CEP44: variants seen among roughly 807,000 people sequenced by gnomAD.
CEP44 encodes centrosomal protein 44.
In CEP44, 45 loss-of-function variants were observed where a neutral mutation model predicts 46.7. That is an observed-to-expected ratio of 0.96 (90% CI 0.76 to 1.24). The LOEUF is 1.24. Ranked by LOEUF, CEP44 falls within the 50% of genes most tolerant of loss-of-function variation. The pLI is 0.00. For missense variants in CEP44, 475 were observed against 459.7 expected (o/e 1.03, Z -0.30); for synonymous variants, 142 against 146.0 (o/e 0.97, Z 0.20).
intron 6 of CEP44, among the ~76,000 whole-genome samples, chr4:174,308,279 T>C (rs1740669736): frequency 1.3e-5 from 2 of 152,200 alleles, no homozygotes. Context: ...ATACACACTA[T>C]GGAATACTCT....
rs1336251503 is a variant in CEP44 at position 174,326,584 on chromosome 4, C to T, written c.1087-4898C>T. 6.6e-6 allele frequency among the ~76,000 whole-genome samples: 1 copy of T among 151,974 alleles called. No homozygotes were observed. Among genetic ancestry groups the T allele is most frequent in the Admixed American group, 6.6e-5 (1 of 15,244 alleles). Reference sequence around the variant, plus strand: ...TCTTTTATATGTGCCAACCTATTTACCATTTCCAGTGCTATTTATTCTTTC... The same window carrying T: ...TCTTTTATATGTGCCAACCTATTTATCATTTCCAGTGCTATTTATTCTTTC... On this transcript the variant is annotated intron_variant, in intron 8 of 8. Coordinates refer to the CEP44 transcript ENST00000426172. The surrounding 1 kb of genome is among the most constrained non-coding windows in gnomAD (Gnocchi z 4.8).
At position 174,314,475 on chromosome 4, in the gene CEP44, C is replaced by T. The variant is rs1409053708; in HGVS notation, c.962-1691C>T. On this transcript the variant is annotated intron_variant, in intron 9 of 11. Coordinates refer to ENST00000503780, the MANE Select transcript of CEP44 (RefSeq NM_001040157.3). The surrounding 1 kb of genome is among the most constrained non-coding windows in gnomAD (Gnocchi z 4.1). ...CCTCTGGAATCCTCTGTAGGAATAA[C>T]TATGAATAGCCTGCCAGCCTGCCAA... is the stretch of plus-strand genomic sequence containing the variant. Among the ~76,000 whole-genome samples the T allele has an allele frequency of 6.6e-6, 1 of 152,206 alleles. No homozygotes were observed. The highest frequency in any genetic ancestry group is 1.5e-5 in the Non-Finnish European group (1 of 68,034).
At position 174,290,097 on chromosome 4, in the gene CEP44, G is replaced by A. The variant is rs1002925842; in HGVS notation, c.-148+6154G>A. Among the ~76,000 whole-genome samples, 1 of 151,932 alleles carries A rather than the reference G, an allele frequency of 6.6e-6. No individual in the cohort carries two copies. Among genetic ancestry groups the A allele is most frequent in the Admixed American group, 6.6e-5 (1 of 15,252 alleles). ...TCTCAATCTCTTGACCTAGTGACCCGCCTGCCTCAGCCCCCAAAAGTGCTA... is the reference window on the plus strand; with the variant it reads ...TCTCAATCTCTTGACCTAGTGACCCACCTGCCTCAGCCCCCAAAAGTGCTA... On this transcript the variant is annotated intron_variant, in intron 1 of 11. Coordinates refer to ENST00000503780, the MANE Select transcript of CEP44 (RefSeq NM_001040157.3). This position sits in a 1 kb window ranked among gnomAD's most constrained non-coding sequence, Gnocchi z 4.3.
Position 174,329,612 on chromosome 4 carries a change from A to G in CEP44, c.1087-1870A>G, listed in dbSNP as rs1203247811. On this transcript the variant is annotated intron_variant, in intron 8 of 8. Coordinates refer to the CEP44 transcript ENST00000426172. This position sits in a 1 kb window ranked among gnomAD's most constrained non-coding sequence, Gnocchi z 4.0. The stretch of plus-strand genomic sequence containing the variant: ...AGAATGTACTTTACTCATGGGAACT[A>G]AAAATGTTATGCTTTGAGAAACCAA... Among the ~76,000 whole-genome samples the G allele has an allele frequency of 6.6e-6, 1 of 152,210 alleles. No individual in the cohort carries two copies. Among genetic ancestry groups the G allele is most frequent in the Non-Finnish European group, 1.5e-5 (1 of 68,028 alleles).
chr4:174,331,713 C>T lies in CEP44; in HGVS notation c.*118C>T, dbSNP rs1423389521. ...ACCAGCTTCCTCCTCAGCTCCAGCTCTTTTAATGGGCATATCAAAACTGAT... is the reference window on the plus strand; with the variant it reads ...ACCAGCTTCCTCCTCAGCTCCAGCTTTTTTAATGGGCATATCAAAACTGAT... On this transcript the variant is annotated 3_prime_UTR_variant, in exon 9 of 9. Coordinates refer to the CEP44 transcript ENST00000426172. This position sits in a 1 kb window ranked among gnomAD's most constrained non-coding sequence, Gnocchi z 4.5. 1.6e-5 allele frequency: 21 copies of T among 1,330,800 alleles called. No individual in the cohort carries two copies. The Admixed American group carries it at 5.4e-4, about 34-fold the overall frequency. The allele number at this position is 1,330,800 out of a possible 1,614,324, so 82.4% of individuals were successfully genotyped here. A position where few individuals can be genotyped will look rare whatever the true frequency, so the allele number is the denominator to read the frequency against.
At position 174,307,690 on chromosome 4, in the gene CEP44, A is replaced by G. The variant is rs1740585292; in HGVS notation, c.508-999A>G. Among the ~76,000 whole-genome samples, 3 of 152,330 alleles carry G rather than the reference A, an allele frequency of 2.0e-5. No homozygotes were observed. The South Asian group carries it at 6.2e-4, about 32-fold the overall frequency. On this transcript the variant is annotated intron_variant, in intron 6 of 11. Transcript: ENST00000503780. ...GTAAACAGACACCCTCCGGAGTGGG[A>G]GAAAATTTTTGCAAACTTGTATCTG...
At chr4:174,308,424 G>T (rs568379392) in intron 6 of CEP44, among the ~76,000 whole-genome samples, 1 of 152,194 alleles carries the variant, frequency 6.6e-6, no homozygotes, top group African/African-American at 2.4e-5. Flanking sequence ...GGAGCTAAAT[G>T]ATGAGATCAC....
chr4:174,315,116 A>G (rs1240290630), intron 9 of CEP44, among the ~76,000 whole-genome samples: 2 of 152,146 alleles, frequency 1.3e-5, no homozygotes, highest in Non-Finnish European at 2.9e-5. Context: ...AGAGATAAAA[A>G]TTAGTCTTCT....
At position 174,301,328 on chromosome 4, in the gene CEP44, A is replaced by G. The variant is rs942897513; in HGVS notation, c.90-711A>G. Reference sequence around the variant, plus strand: ...AGACAGGAAACACTACCAGACAGATAAAGACACAGCAGATACTGAGTAGCC... The same window carrying G: ...AGACAGGAAACACTACCAGACAGATGAAGACACAGCAGATACTGAGTAGCC... On this transcript the variant is annotated intron_variant, in intron 3 of 11. Transcript: ENST00000503780. The surrounding 1 kb of genome is among the most constrained non-coding windows in gnomAD (Gnocchi z 4.3). Among the ~76,000 whole-genome samples, 2 of 152,188 alleles carry G rather than the reference A, an allele frequency of 1.3e-5. No homozygotes were observed. Among genetic ancestry groups the G allele is most frequent in the Non-Finnish European group, 2.9e-5 (2 of 68,006 alleles).
Position 174,310,666 on chromosome 4 carries a change from T to C in CEP44, c.886-117T>C. ...TATATGTATTGCTTTAATAAAAAAT[T>C]AAAAATATTTAAACATTTATCATGC... On this transcript the variant is annotated intron_variant, in intron 8 of 11. Coordinates refer to ENST00000503780, the MANE Select transcript of CEP44 (RefSeq NM_001040157.3). The surrounding 1 kb of genome is among the most constrained non-coding windows in gnomAD (Gnocchi z 4.2). The C allele has an allele frequency of 1.7e-6, 1 of 591,270 alleles. No homozygotes were observed. Among genetic ancestry groups the C allele is most frequent in the Non-Finnish European group, 2.9e-6 (1 of 342,404 alleles). 36.6% of individuals were successfully genotyped at this position (591,270 alleles called of 1,614,324 possible).
chr4:174,294,681 C>T (rs1186478113), intron 1 of CEP44, among the ~76,000 whole-genome samples: 3 of 150,026 alleles, frequency 2.0e-5, no homozygotes, highest in South Asian at 2.1e-4. Context: ...GGCTGACCCC[C>T]CTACCTCCCT....
At chr4:174,308,494 G>A (rs1003565495) in intron 6 of CEP44, among the ~76,000 whole-genome samples, 195 bp from the exon 7 acceptor site, 1 of 152,100 alleles carries the variant, frequency 6.6e-6, no homozygotes, top group African/African-American at 2.4e-5. Context: ...AGGGTAGGAG[G>A]AGGTTCAGGA....
At position 174,288,560 on chromosome 4, in the gene CEP44, A is replaced by T. The variant is rs1221889723; in HGVS notation, c.-148+4617A>T. 1.3e-5 allele frequency among the ~76,000 whole-genome samples: 2 copies of T among 152,154 alleles called. No homozygotes were observed. The highest frequency in any genetic ancestry group is 6.5e-5 in the Admixed American group (1 of 15,274). On this transcript the variant is annotated intron_variant, in intron 1 of 11. Coordinates refer to ENST00000503780, the MANE Select transcript of CEP44 (RefSeq NM_001040157.3). The surrounding 1 kb of genome is among the most constrained non-coding windows in gnomAD (Gnocchi z 4.6). ...TTGTGTTTAGCTTATTTCACTTAGC[A>T]TAATGTCCTTCAGGTTCATCCATGT...
rs1740818624 is a variant in CEP44, at chr4:174,309,393, A to G, written c.679-457A>G. Among the ~76,000 whole-genome samples the G allele has an allele frequency of 6.6e-6, 1 of 152,024 alleles. No homozygotes were observed. Among genetic ancestry groups the G allele is most frequent in the Admixed American group, 6.6e-5 (1 of 15,246 alleles). On this transcript the variant is annotated intron_variant, in intron 7 of 11. Transcript: ENST00000503780. This position sits in a 1 kb window ranked among gnomAD's most constrained non-coding sequence, Gnocchi z 5.3. ...GATTTCTATATATCTCAGTATATCA[A>G]TATACAGTTGGCACTTACAAAAACT...
chr4:174,322,307 C>G (rs567592190), downstream of CEP44, among the ~76,000 whole-genome samples: 1 of 151,974 alleles, frequency 6.6e-6, no homozygotes, highest in Non-Finnish European at 1.5e-5. Context: ...CTGGGCTTTC[C>G]ATGACTTTAC....
At chr4:174,308,367 A>G (rs1436872450) in intron 6 of CEP44, among the ~76,000 whole-genome samples, 1 of 152,170 alleles carries the variant, frequency 6.6e-6, no homozygotes, top group Non-Finnish European at 1.5e-5. Context: ...TTAGCATATT[A>G]ATGCAGAAAC....
chr4:174,304,519 G>A, intron 6 of CEP44, 150 bp downstream of exon 6: 1 of 1,001,314 alleles, frequency 1.0e-6, no homozygotes, highest in Non-Finnish European at 1.4e-6. Context: ...ATATATTTTT[G>A]GGCAGTATGC....
chr4:174,330,483 C>T lies in CEP44; in HGVS notation c.1087-999C>T, dbSNP rs1372950017. Among the ~76,000 whole-genome samples the T allele has an allele frequency of 3.5e-5, 5 of 143,830 alleles. No homozygotes were observed. In the South Asian group the frequency reaches 6.4e-4, roughly 19 times the overall value. 94.4% of individuals were successfully genotyped at this position (143,830 alleles called of 152,430 possible). On this transcript the variant is annotated intron_variant, in intron 8 of 8. Coordinates refer to the CEP44 transcript ENST00000426172. ...TAGCCTGGGCAACAGAGTGAGACTT[C>T]GTCTCAAAAAAAAAAAAAAAAATTA...
At chr4:174,300,354 A>G (rs1473338132) in intron 3 of CEP44, among the ~76,000 whole-genome samples, 1 of 152,156 alleles carries the variant, frequency 6.6e-6, no homozygotes. Flanking sequence ...TAATCCATGT[A>G]TGTAAAAATC....
Sources: gnomAD v4.1 joint callset for allele counts (sites outside exome capture counted in the v4.1 genomes callset) on GRCh38, gnomAD v4.1.1 for gene constraint, Gnocchi (gnomAD v3.1) non-coding constraint, MANE v1.5 for transcripts, NCBI Gene and HGNC (gene_info 2026-07-23, HGNC 2026-07-21) for gene names.